Variants in RERE observed in about 807,000 individuals in gnomAD.
The protein encoded by RERE is arginine-glutamic acid dipeptide repeats, also known as arginine-glutamic acid dipeptide repeats protein.
RERE carries 40 observed loss-of-function variants against 146.1 expected under a neutral mutation model. The observed-to-expected ratio is 0.27, with a 90% confidence interval of 0.21 to 0.36. The LOEUF (loss-of-function observed/expected upper bound fraction) is 0.36, where lower values mean the gene tolerates loss of function less well. Ranked by LOEUF, RERE falls within the 10% of genes least tolerant of loss-of-function variation. RERE has a pLI of 1.00. For missense variants in RERE, 1,933 were observed against 2,138.7 expected, an observed-to-expected ratio of 0.90 and a Z score of 1.90; for synonymous variants, 1,003 against 866.0, an observed-to-expected ratio of 1.16 and a Z score of -2.78.
chr1:8,667,292 A>G (rs1259835844), intron 1 of RERE, among the ~76,000 whole-genome samples: 2 of 152,250 alleles, frequency 1.3e-5, no homozygotes, highest in Non-Finnish European at 2.9e-5. Context: ...ACGATATATA[A>G]TCTTTATTAT....
chr1:8,714,164 A>G (rs1467123775), intron 1 of RERE, among the ~76,000 whole-genome samples: 2 of 152,186 alleles, frequency 1.3e-5, no homozygotes, highest in East Asian at 3.8e-4. Flanking sequence ...ATTTTTAAAT[A>G]TTTATTTCTA....
chr1:8,726,161 T>TTTTTTTTTTTTAA (rs1639963402), intron 1 of RERE, among the ~76,000 whole-genome samples: 2 of 135,388 alleles, frequency 1.5e-5, no homozygotes, highest in African/African-American at 5.5e-5. Flanking sequence ...TTTTTTTTTT[T>TTTTTTTTTTTTAA]TTTTTTTTTT....
intron 6 of RERE, 45 bp downstream of exon 6, chr1:8,556,430 C>T (rs1470897729): frequency 9.0e-7 from 1 of 1,114,430 alleles, no homozygotes; most frequent in African/African-American, 1.5e-5. Context: ...CTCCTGCACT[C>T]AGTGACTCCT....
intron 1 of RERE, among the ~76,000 whole-genome samples, chr1:8,746,656 T>C (rs928765771): frequency 5.3e-5 from 8 of 151,982 alleles, no homozygotes; most frequent in East Asian, 3.9e-4. Flanking sequence ...GAGACTATAC[T>C]GACATACGAG....
intron 12 of RERE, among the ~76,000 whole-genome samples, chr1:8,375,660 A>T (rs2661867): frequency 2.9e-5 from 2 of 69,182 alleles, no homozygotes; most frequent in Admixed American, 1.7e-4. Context: ...ATGCTTCCTC[A>T]CTCAGCAGCC....
chr1:8,772,412 G>A (rs931938996), intron 1 of RERE, among the ~76,000 whole-genome samples: 1 of 152,200 alleles, frequency 6.6e-6, no homozygotes, highest in South Asian at 2.1e-4. Context: ...ATTACATACT[G>A]TACCTTGCTC....
chr1:8,454,421 C>T (rs1644425836), intron 11 of RERE, among the ~76,000 whole-genome samples: 1 of 152,172 alleles, frequency 6.6e-6, no homozygotes, highest in South Asian at 2.1e-4. Flanking sequence ...GGGCTTAATC[C>T]TGACCTCCTG....
intron 10 of RERE, among the ~76,000 whole-genome samples, chr1:8,473,630 C>T (rs1266445290): frequency 6.6e-6 from 1 of 152,192 alleles, no homozygotes; most frequent in Admixed American, 6.5e-5. Context: ...AAATTAACAA[C>T]TAGTCAATAC....
At chr1:8,563,968 G>T in intron 4 of RERE, among the ~76,000 whole-genome samples, 1 of 152,118 alleles carries the variant, frequency 6.6e-6, no homozygotes, top group East Asian at 1.9e-4. Flanking sequence ...ATACAGAGGG[G>T]GGAACACCGT....
At chr1:8,617,383 T>TAAAAAAA in intron 3 of RERE, among the ~76,000 whole-genome samples, 50 of 140,290 alleles carry the variant, frequency 3.6e-4, no homozygotes, top group African/African-American at 1.3e-3. Flanking sequence ...TCTTAACTCT[T>TAAAAAAA]AAAGAATTAA....
At chr1:8,698,901 T>C (rs1639391075) in intron 1 of RERE, among the ~76,000 whole-genome samples, 2 of 152,168 alleles carry the variant, frequency 1.3e-5, no homozygotes, top group South Asian at 4.1e-4. Flanking sequence ...ATTAATACTC[T>C]AAAATTAAAT....
At chr1:8,785,729 C>A (rs1195534038) in intron 1 of RERE, among the ~76,000 whole-genome samples, 1 of 152,202 alleles carries the variant, frequency 6.6e-6, no homozygotes, top group African/African-American at 2.4e-5. Flanking sequence ...TCAAGCAATT[C>A]TCCTGCCTCA....
Position 8,360,564 on chromosome 1 carries a change from C to T in RERE, c.2943G>A (p.Pro981=), listed in dbSNP as rs773678739. ...GTTGCAGGGGTGGGGGGTGAGCCGA[C>T]GGGGGGTGATGTGTGGACAGGGAGC... ...PLSSLSTHHP[P]SAHPPPLQLM... The change falls in exon 18 of 23, where the codon CCG becomes CCA. Residue 981 remains proline (P), a synonymous_variant. Coordinates refer to ENST00000400908, the MANE Select transcript of RERE (RefSeq NM_001042681.2). The T allele has an allele frequency of 3.5e-5, 41 of 1,170,324 alleles. No homozygotes were observed. The highest frequency in any genetic ancestry group is 1.2e-4 in the Admixed American group (3 of 24,522). The allele number at this position is 1,170,324 out of a possible 1,614,324, so 72.5% of individuals were successfully genotyped here.
intron 19 of RERE, 90 bp from the exon 20 acceptor site, chr1:8,359,006 C>A: frequency 7.0e-7 from 1 of 1,437,594 alleles, no homozygotes; most frequent in South Asian, 1.5e-5. Context: ...GGTCCTGCTC[C>A]TGGCCTGCTC....
At chr1:8,572,691 A>G (rs1553186710) in intron 4 of RERE, among the ~76,000 whole-genome samples, 2 of 152,250 alleles carry the variant, frequency 1.3e-5, no homozygotes, top group Non-Finnish European at 1.5e-5. Context: ...TGGGAAAAAC[A>G]GGAAGTCCCA....
chr1:8,568,618 A>G (rs1366862792), intron 4 of RERE, among the ~76,000 whole-genome samples: 1 of 152,198 alleles, frequency 6.6e-6, no homozygotes, highest in Non-Finnish European at 1.5e-5. Context: ...CTTCTACCAC[A>G]TTATGGCACA....
chr1:8,788,694 T>C (rs968475408), intron 1 of RERE, among the ~76,000 whole-genome samples: 3 of 147,342 alleles, frequency 2.0e-5, no homozygotes, highest in Non-Finnish European at 3.0e-5. Flanking sequence ...GAAGCTGTAA[T>C]GATAGTAACA....
intron 1 of RERE, among the ~76,000 whole-genome samples, chr1:8,774,951 C>CTTTT (rs869173167): frequency 0.013 from 622 of 47,834 alleles, 12 homozygotes; most frequent in Middle Eastern, 0.023. Context: ...TTCTTTCTTT[C>CTTTT]TTTTTTTTTT....
chr1:8,409,126 T>A, intron 12 of RERE, among the ~76,000 whole-genome samples: 1 of 152,210 alleles, frequency 6.6e-6, no homozygotes, highest in East Asian at 1.9e-4. Context: ...ACTGTGCCGT[T>A]TTGAAGGCAG....
Sources: allele counts gnomAD v4.1 joint callset (sites outside exome capture counted in the v4.1 genomes callset), GRCh38; gene constraint gnomAD v4.1.1; transcripts MANE v1.5; gene names NCBI Gene and HGNC (gene_info 2026-07-23, HGNC 2026-07-21).